The following PSEN2 variants were observed in gnomAD, a reference collection of about 807,000 sequenced individuals.
PSEN2 encodes the protein presenilin-2.
A neutral mutation model predicts 49.1 loss-of-function variants in PSEN2; 32 were observed. The observed-to-expected ratio is 0.65, with a 90% CI of 0.49 to 0.88. The LOEUF is 0.88. Among genes scored for constraint, PSEN2 ranks in the 40% least tolerant of loss-of-function variants. The probability of loss-of-function intolerance (pLI) is 0.00; values close to 1 mark genes in which losing one functional copy is unlikely to be tolerated. For missense variants in PSEN2, 522 were observed against 586.9 expected (o/e 0.89, Z 1.14); for synonymous variants, 255 against 244.0 (o/e 1.05, Z -0.42).
At chr1:226,877,673 G>C (rs113958123) in intron 3 of PSEN2, among the ~76,000 whole-genome samples, 1 of 152,218 alleles carries the variant, frequency 6.6e-6, no homozygotes, top group South Asian at 2.1e-4. Flanking sequence ...CTTGGTCCTC[G>C]TTGTTGTGGG....
chr1:226,872,118 G>A (rs565339593), intron 2 of PSEN2, among the ~76,000 whole-genome samples: 1 of 152,226 alleles, frequency 6.6e-6, no homozygotes, highest in Admixed American at 6.5e-5. Context: ...CAGCAAGGAG[G>A]AGGAGGAGCA....
intron 6 of PSEN2, 80 bp from the exon 7 acceptor site, chr1:226,888,011 T>C (rs899279435): frequency 1.7e-6 from 2 of 1,159,990 alleles, no homozygotes; most frequent in Non-Finnish European, 2.6e-6. Context: ...CAGGCTTGGG[T>C]ATCAGTCTCA....
downstream of PSEN2, among the ~76,000 whole-genome samples, chr1:226,901,382 G>A (rs1358126475): frequency 1.4e-5 from 2 of 143,300 alleles, no homozygotes; most frequent in Admixed American, 1.5e-4. Flanking sequence ...GTTGCAGTGA[G>A]ACAAGATCAC....
chr1:226,877,533 C>T (rs1365711443), intron 3 of PSEN2, among the ~76,000 whole-genome samples: 4 of 152,170 alleles, frequency 2.6e-5, no homozygotes, highest in Non-Finnish European at 5.9e-5. Flanking sequence ...TGGTGCCTCC[C>T]ACCTGTCACC....
At chr1:226,882,291 C>T (rs1661052291) in intron 4 of PSEN2, among the ~76,000 whole-genome samples, 1 of 152,198 alleles carries the variant, frequency 6.6e-6, no homozygotes, top group African/African-American at 2.4e-5. Context: ...ACTCTGCCAC[C>T]TTGGGTTTAC....
chr1:226,883,901 C>T lies in PSEN2; in HGVS notation c.338C>T (p.Thr113Ile). Residue 113 changes from threonine (T) to isoleucine (I), a missense_variant, in exon 5 of 13, where the codon ACA becomes ATA. By Grantham distance (89) the Thr-to-Ile change is moderately conservative (BLOSUM62 -1). Transcript: ENST00000366783. ...VATIKSVRFY[T>I]EKNGQLIYTP... ...ACCATCAAGTCTGTGCGCTTCTACA[C>T]AGAGAAGAATGGACAGCTGTGAGTT... 1 of 1,599,752 alleles carries T rather than the reference C, an allele frequency of 6.3e-7. No individual in the cohort carries two copies. Among genetic ancestry groups the T allele is most frequent in the Non-Finnish European group, 8.5e-7 (1 of 1,178,036 alleles).
intron 9 of PSEN2, 45 bp downstream of exon 9, chr1:226,890,178 C>T: frequency 6.6e-7 from 1 of 1,510,356 alleles, no homozygotes; most frequent in Non-Finnish European, 9.2e-7. Context: ...GGTCAGCAGG[C>T]AGCCTGTGGG....
rs1661540915 is a variant in PSEN2 at position 226,888,816 on chromosome 1, C to T, written c.567-13C>T. ...ACTGAGTCCCAGTCACAGGCTCCAC[C>T]TTGGTCCTGCAGGGAAGTGCTCAAG... On this transcript the variant is annotated splice_polypyrimidine_tract_variant and intron_variant, in intron 7 of 12. Coordinates refer to ENST00000366783, the MANE Select transcript of PSEN2 (RefSeq NM_000447.3). 1 of 1,611,098 alleles carries T rather than the reference C, an allele frequency of 6.2e-7. No individual in the cohort carries two copies. Among genetic ancestry groups the T allele is most frequent in the Non-Finnish European group, 8.5e-7 (1 of 1,177,352 alleles).
intron 12 of PSEN2, 38 bp from the exon 13 acceptor site, chr1:226,895,386 G>T (rs201802891): frequency 6.2e-7 from 1 of 1,612,798 alleles, no homozygotes; most frequent in Non-Finnish European, 8.5e-7. Flanking sequence ...GTCCACACCA[G>T]GGATCACCAC....
At chr1:226,897,478 CAT>C (rs1347658300), downstream of PSEN2, 12 of 154,932 alleles carry the variant, frequency 7.7e-5, no homozygotes, top group African/African-American at 2.6e-4. Context: ...AAAACAAGGA[CAT>C]GTGAGAAGAC....
chr1:226,876,695 G>T (rs369697148), intron 3 of PSEN2, among the ~76,000 whole-genome samples: 1 of 152,008 alleles, frequency 6.6e-6, no homozygotes, highest in South Asian at 2.1e-4. Context: ...TTTTATGTTC[G>T]GTTAAATTTA....
At chr1:226,880,337 A>G (rs994897872) in intron 3 of PSEN2, 5 of 406,068 alleles carry the variant, frequency 1.2e-5, no homozygotes, top group African/African-American at 1.0e-4. Context: ...TGATTGCACC[A>G]CTGTACTCCA....
downstream of PSEN2, among the ~76,000 whole-genome samples, chr1:226,896,280 A>C (rs943740925): frequency 3.3e-5 from 5 of 152,210 alleles, no homozygotes; most frequent in African/African-American, 1.2e-4. Context: ...AGGAGTTAGG[A>C]GAGCAGGGTG....
chr1:226,877,284 C>A (rs939211633), intron 3 of PSEN2, among the ~76,000 whole-genome samples: 11 of 152,220 alleles, frequency 7.2e-5, no homozygotes, highest in African/African-American at 2.4e-4. Flanking sequence ...TAATAAGCAG[C>A]CTAGCAGAGT....
chr1:226,891,212 C>A (rs895638107), intron 9 of PSEN2, 66 bp from the exon 10 acceptor site: 1 of 1,430,116 alleles, frequency 7.0e-7, no homozygotes, highest in Non-Finnish European at 9.8e-7. Context: ...CTGGCCACCT[C>A]CCCCAGGCCC....
chr1:226,894,029 G>A lies in PSEN2; in HGVS notation c.1095G>A (p.Gly365=), dbSNP rs771373304. Residue 365 remains glycine, a synonymous_variant, in exon 12 of 13, where the codon GGG becomes GGA. Transcript: ENST00000366783. ...EEERGVKLGL[G]DFIFYSVLVG... ...CAGGGGGCGTGAAGCTTGGCCTCGG[G>A]GACTTCATCTTCTACAGTGTGCTGG... 1 of 1,614,168 alleles carries A rather than the reference G, an allele frequency of 6.2e-7. No individual in the cohort carries two copies. The highest frequency in any genetic ancestry group is 1.6e-4 in the Middle Eastern group (1 of 6,062).
rs535474711 is a variant in PSEN2, at chr1:226,892,035, C to T, written c.1072+191C>T. 9.8e-5 allele frequency among the ~76,000 whole-genome samples: 15 copies of T among 152,292 alleles called. No homozygotes were observed. The East Asian group carries it at 2.5e-3, about 26-fold the overall frequency. ...TCTCAGCAGGCCCCATGTAGTTGTC[C>T]GGCATGTATTGAGTATGGGCCACGT... On this transcript the variant is annotated intron_variant, in intron 11 of 12. Transcript: ENST00000366783.
intron 3 of PSEN2, among the ~76,000 whole-genome samples, chr1:226,879,309 G>A (rs1660830007): frequency 6.6e-6 from 1 of 152,220 alleles, no homozygotes; most frequent in South Asian, 2.1e-4. Flanking sequence ...GGATTTTGCT[G>A]GTTCCCAGAA....
intron 3 of PSEN2, among the ~76,000 whole-genome samples, chr1:226,879,759 G>A (rs1558141329): frequency 6.6e-6 from 1 of 152,114 alleles, no homozygotes; most frequent in Non-Finnish European, 1.5e-5. Context: ...CCCTCCTGTC[G>A]GGTGCATTGT....
Sources: allele counts gnomAD v4.1 joint callset (sites outside exome capture counted in the v4.1 genomes callset), GRCh38; gene constraint gnomAD v4.1.1; transcripts MANE v1.5; gene names NCBI Gene and HGNC (gene_info 2026-07-23, HGNC 2026-07-21).